The following PI4KA variants were observed in gnomAD, a reference collection of about 807,000 sequenced individuals.
The protein encoded by PI4KA is PI4-kinase alpha.
Under a neutral mutation model 271.4 loss-of-function variants are expected in PI4KA, and 122 were observed. The observed-to-expected ratio is 0.45, with a 90% CI of 0.39 to 0.52. PI4KA has a LOEUF of 0.52. PI4KA is among the 20% of genes least tolerant of loss of function. PI4KA has a pLI of 0.00. For missense variants in PI4KA, 1,969 were observed against 2,769.1 expected, an observed-to-expected ratio of 0.71 and a Z score of 6.48; for synonymous variants, 1,041 against 1,078.8, an observed-to-expected ratio of 0.96 and a Z score of 0.69.
intron 1 of PI4KA, among the ~76,000 whole-genome samples, chr22:20,845,425 C>T (rs1926109130): frequency 6.6e-6 from 1 of 152,202 alleles, no homozygotes; most frequent in South Asian, 2.1e-4. Flanking sequence ...TTATTTAAAA[C>T]CTCTGGGAAT....
intron 32 of PI4KA, among the ~76,000 whole-genome samples, chr22:20,736,100 G>A (rs989658831): frequency 9.2e-5 from 14 of 152,258 alleles, no homozygotes; most frequent in Admixed American, 3.9e-4. Flanking sequence ...CAGTGCGAGT[G>A]AGCGTGTGAC....
intron 19 of PI4KA, among the ~76,000 whole-genome samples, chr22:20,769,608 G>A (rs1466227322): frequency 6.6e-6 from 1 of 151,442 alleles, no homozygotes; most frequent in African/African-American, 2.4e-5. Context: ...GGCCGAGGTT[G>A]CAGTGAGCCA....
chr22:20,850,958 T>C (rs1267535245), intron 1 of PI4KA, among the ~76,000 whole-genome samples: 2 of 152,044 alleles, frequency 1.3e-5, no homozygotes, highest in Non-Finnish European at 2.9e-5. Flanking sequence ...GGCAGGAGGA[T>C]CCCTCAAACC....
intron 19 of PI4KA, chr22:20,773,923 A>G (rs922303337): frequency 6.6e-6 from 1 of 152,244 alleles, no homozygotes; most frequent in Non-Finnish European, 1.5e-5. Flanking sequence ...TCAAAGTGTC[A>G]GCTCTAAGAA....
intron 47 of PI4KA, 111 bp from the exon 48 acceptor site, chr22:20,713,501 G>C: frequency 3.6e-6 from 3 of 841,452 alleles, no homozygotes; most frequent in Non-Finnish European, 5.6e-6. Context: ...CAATCTTGGG[G>C]ATCACTTCTT....
At chr22:20,816,920 T>C (rs1197289370) in intron 7 of PI4KA, among the ~76,000 whole-genome samples, 1 of 152,146 alleles carries the variant, frequency 6.6e-6, no homozygotes, top group Non-Finnish European at 1.5e-5. Context: ...ATGAGCTGTT[T>C]ACCAGGAAAA....
chr22:20,761,434 C>G (rs970083666), intron 22 of PI4KA, 48 bp from the exon 23 acceptor site: 1 of 1,128,316 alleles, frequency 8.9e-7, no homozygotes, highest in East Asian at 2.3e-5. Context: ...CTGGGCCCTC[C>G]CTATCACAGA....
At chr22:20,848,991 ATAC>A (rs1240139664) in intron 1 of PI4KA, among the ~76,000 whole-genome samples, 4 of 152,238 alleles carry the variant, frequency 2.6e-5, no homozygotes, top group Admixed American at 6.5e-5. Flanking sequence ...AATTAAAAAA[ATAC>A]TACAATTTAA....
intron 44 of PI4KA, 91 bp downstream of exon 44, chr22:20,718,602 C>T (rs1290720911): frequency 2.0e-5 from 29 of 1,423,200 alleles, no homozygotes; most frequent in South Asian, 5.8e-5. Flanking sequence ...GGGCCAGGCA[C>T]GGGTATTTTT....
intron 1 of PI4KA, among the ~76,000 whole-genome samples, chr22:20,839,356 C>A (rs1441077412): frequency 1.3e-5 from 2 of 152,148 alleles, no homozygotes; most frequent in Non-Finnish European, 2.9e-5. Flanking sequence ...CCTCAAAACA[C>A]ATAAACTCTG....
rs140785314 is a variant in PI4KA, at chr22:20,832,228, G to C, written c.367+2334C>G. ...CCTCCCGGGTTCAAGCGATTCTCCT[G>C]TCTCAGCCTCCCAAGTAGCTGGGAT... On this transcript the variant is annotated intron_variant, in intron 3 of 54. Coordinates refer to ENST00000255882, the MANE Select transcript of PI4KA (RefSeq NM_058004.4). Among the ~76,000 whole-genome samples the C allele has an allele frequency of 9.3e-5, 14 of 150,050 alleles. 1 individual carries two copies. In the East Asian group the frequency reaches 2.8e-3, roughly 30 times the overall value.
At chr22:20,712,906 G>A (rs1336338440) in intron 48 of PI4KA, 109 bp from the exon 49 acceptor site, 1 of 1,526,478 alleles carries the variant, frequency 6.6e-7, no homozygotes, top group Non-Finnish European at 8.9e-7. Context: ...GAGTGAGGTG[G>A]GGAGACCACA....
chr22:20,803,889 A>AT (rs2147613390), intron 12 of PI4KA, among the ~76,000 whole-genome samples: 1 of 152,314 alleles, frequency 6.6e-6, no homozygotes, highest in Non-Finnish European at 1.5e-5. Context: ...ACAAAATATA[A>AT]TTTTTAAACA....
At chr22:20,809,189 C>A (rs1282003758) in intron 9 of PI4KA, among the ~76,000 whole-genome samples, 1 of 152,098 alleles carries the variant, frequency 6.6e-6, no homozygotes, top group South Asian at 2.1e-4. Flanking sequence ...AACTTTGGAG[C>A]CTTGGAGACC....
At position 20,799,146 on chromosome 22, in the gene PI4KA, G is replaced by C; in HGVS notation, c.1951C>G (p.Pro651Ala). The C allele has an allele frequency of 6.2e-7, 1 of 1,613,150 alleles. No individual in the cohort carries two copies. Among genetic ancestry groups the C allele is most frequent in the Non-Finnish European group, 8.5e-7 (1 of 1,179,606 alleles). The part of the protein sequence containing the change: ...LQQKFCQPPS[P>A]LDVLIIDQLG... ...TGGTCAATAATCAGCACATCGAGGG[G>C]GGAGGGTGGCTGGCAGAATTTCTGC... Residue 651 changes from proline to alanine, a missense_variant, in exon 16 of 55, where the codon CCC (proline) becomes GCC (alanine). Coordinates refer to ENST00000255882, the MANE Select transcript of PI4KA (RefSeq NM_058004.4).
intron 23 of PI4KA, among the ~76,000 whole-genome samples, chr22:20,758,192 C>T (rs894276331): frequency 9.9e-5 from 15 of 151,596 alleles, no homozygotes; most frequent in Non-Finnish European, 2.1e-4. Context: ...AGTGAAACCC[C>T]GTCTCTACTA....
intron 30 of PI4KA, 85 bp from the exon 31 acceptor site, chr22:20,742,849 G>A (rs1929627399): frequency 7.8e-7 from 1 of 1,288,850 alleles, no homozygotes; most frequent in Non-Finnish European, 1.1e-6. Flanking sequence ...CACACTTGTG[G>A]TGGCACTGGT....
At position 20,800,279 on chromosome 22, in the gene PI4KA, C is replaced by G. The variant is rs141894310; in HGVS notation, c.1725-513G>C. Among the ~76,000 whole-genome samples the G allele has an allele frequency of 2.1e-4, 32 of 152,298 alleles. No individual in the cohort carries two copies. In the East Asian group the frequency reaches 3.1e-3, roughly 15 times the overall value. Reference sequence around the variant, plus strand: ...TGGAAAACAGTTTGAGTCTGACAGACAAGCTGCCATCTTGATTTAGCTTCT... The same window carrying G: ...TGGAAAACAGTTTGAGTCTGACAGAGAAGCTGCCATCTTGATTTAGCTTCT... On this transcript the variant is annotated intron_variant, in intron 14 of 54. Transcript: ENST00000255882.
chr22:20,751,181 A>G, intron 27 of PI4KA, 112 bp downstream of exon 27: 1 of 823,246 alleles, frequency 1.2e-6, no homozygotes, highest in Non-Finnish European at 2.0e-6. Flanking sequence ...CACCACCCAC[A>G]CCTCAAATTG....
Sources: allele counts gnomAD v4.1 joint callset (sites outside exome capture counted in the v4.1 genomes callset), GRCh38; gene constraint gnomAD v4.1.1; transcripts MANE v1.5; gene names NCBI Gene and HGNC (gene_info 2026-07-23, HGNC 2026-07-21).